The following NPAS3 variants were observed in gnomAD, a reference collection of about 807,000 sequenced individuals.
NPAS3 encodes neuronal PAS domain-containing protein 3.
Under a neutral mutation model 73.1 loss-of-function variants are expected in NPAS3, and 14 were observed. That is an observed-to-expected ratio of 0.19 (90% CI 0.13 to 0.30). The LOEUF (loss-of-function observed/expected upper bound fraction) is 0.30, where lower values mean the gene tolerates loss of function less well. Ranked by LOEUF, NPAS3 falls within the 10% of genes least tolerant of loss-of-function variation. The pLI, the probability that NPAS3 is intolerant of heterozygous loss-of-function variation, is 1.00. For synonymous variants in NPAS3, 620 were observed against 541.5 expected, an observed-to-expected ratio of 1.14 and a Z score of -2.01; for missense variants, 1,096 against 1,250.0, an observed-to-expected ratio of 0.88 and a Z score of 1.86.
chr14:32,982,135 G>A (rs945503933), intron 1 of NPAS3, among the ~76,000 whole-genome samples: 5 of 152,150 alleles, frequency 3.3e-5, no homozygotes, highest in Admixed American at 3.3e-4. Flanking sequence ...CCAATATCAA[G>A]GTGCTGGCAT....
chr14:32,993,153 A>G (rs1230457848), intron 1 of NPAS3, among the ~76,000 whole-genome samples: 2 of 151,778 alleles, frequency 1.3e-5, no homozygotes, highest in African/African-American at 4.8e-5. Context: ...TCGTCTCAAA[A>G]AAAAAAAAAA....
intron 4 of NPAS3, among the ~76,000 whole-genome samples, chr14:33,384,248 A>T (rs1421991740): frequency 6.6e-6 from 1 of 152,208 alleles, no homozygotes; most frequent in African/African-American, 2.4e-5. Flanking sequence ...GATATAAAAG[A>T]AATAAAACCC....
intron 7 of NPAS3, among the ~76,000 whole-genome samples, chr14:33,758,619 T>C (rs886282997): frequency 6.6e-6 from 1 of 152,280 alleles, no homozygotes; most frequent in Non-Finnish European, 1.5e-5. Context: ...CTAGAAATTC[T>C]TCTCAATGAA....
At chr14:33,483,477 A>C (rs369349727) in intron 4 of NPAS3, among the ~76,000 whole-genome samples, 88 of 152,332 alleles carry the variant, frequency 5.8e-4, no homozygotes, top group African/African-American at 1.8e-3. Context: ...CTCCCACTGC[A>C]TGTAGAGAAA....
intron 2 of NPAS3, among the ~76,000 whole-genome samples, chr14:33,122,919 G>T (rs996065865): frequency 3.3e-5 from 5 of 151,998 alleles, no homozygotes; most frequent in Non-Finnish European, 7.4e-5. Context: ...AAGATCACTA[G>T]AATAAAAAGG....
intron 5 of NPAS3, among the ~76,000 whole-genome samples, chr14:33,633,756 G>C (rs1455686266): frequency 6.6e-6 from 1 of 152,156 alleles, no homozygotes; most frequent in African/African-American, 2.4e-5. Context: ...AAGGCAGGAG[G>C]ATCACTTGAG....
chr14:33,297,167 G>T (rs2140134877), intron 3 of NPAS3, among the ~76,000 whole-genome samples: 1 of 152,222 alleles, frequency 6.6e-6, no homozygotes, highest in East Asian at 1.9e-4. Flanking sequence ...AGACTTCCTG[G>T]TTCTAATCCT....
chr14:33,242,192 G>A (rs927454963), intron 3 of NPAS3, among the ~76,000 whole-genome samples: 1 of 152,034 alleles, frequency 6.6e-6, no homozygotes, highest in African/African-American at 2.4e-5. Context: ...ATAAAGAATA[G>A]AGAAAGAATA....
intron 4 of NPAS3, among the ~76,000 whole-genome samples, chr14:33,424,718 G>A (rs1383500065): frequency 6.6e-6 from 1 of 151,774 alleles, no homozygotes; most frequent in Non-Finnish European, 1.5e-5. Context: ...GAATATGGGA[G>A]GAGGGGGAAG....
At chr14:33,480,012 G>A (rs1218273178) in intron 4 of NPAS3, among the ~76,000 whole-genome samples, 6 of 152,050 alleles carry the variant, frequency 3.9e-5, no homozygotes, top group African/African-American at 1.2e-4. Context: ...CAGGAGGCTT[G>A]AGTTGGCTCG....
chr14:33,331,362 A>G (rs2043976931), intron 3 of NPAS3, among the ~76,000 whole-genome samples: 2 of 152,176 alleles, frequency 1.3e-5, no homozygotes, highest in Admixed American at 1.3e-4. Flanking sequence ...TGTGTGGAAG[A>G]TAATTGAGCC....
chr14:33,123,241 G>A (rs189933432), intron 2 of NPAS3, among the ~76,000 whole-genome samples: 77 of 152,122 alleles, frequency 5.1e-4, no homozygotes, highest in African/African-American at 1.8e-3. Flanking sequence ...CATCACGGGA[G>A]ACATTTGGGG....
intron 4 of NPAS3, among the ~76,000 whole-genome samples, chr14:33,418,881 CT>C (rs2048262652): frequency 6.6e-6 from 1 of 151,856 alleles, no homozygotes; most frequent in African/African-American, 2.4e-5. Context: ...ATAAACTCCC[CT>C]TTGTGCATCT....
intron 3 of NPAS3, among the ~76,000 whole-genome samples, chr14:33,265,801 A>T (rs923026520): frequency 2.7e-5 from 4 of 149,220 alleles, no homozygotes; most frequent in African/African-American, 1.0e-4. Context: ...CAACCCCTTA[A>T]AAAAGGAATC....
intron 7 of NPAS3, among the ~76,000 whole-genome samples, chr14:33,759,461 G>A (rs888574520): frequency 2.6e-5 from 4 of 152,238 alleles, no homozygotes; most frequent in Non-Finnish European, 5.9e-5. Flanking sequence ...GGCCTAGAGA[G>A]AGTGCTTGCC....
intron 1 of NPAS3, among the ~76,000 whole-genome samples, chr14:32,960,564 T>G (rs1301966594): frequency 6.6e-6 from 1 of 152,200 alleles, no homozygotes; most frequent in African/African-American, 2.4e-5. Context: ...TCATGCACTA[T>G]TACAGCTTTC....
chr14:32,964,364 T>A (rs927582549), intron 1 of NPAS3, among the ~76,000 whole-genome samples: 5 of 152,014 alleles, frequency 3.3e-5, no homozygotes, highest in African/African-American at 9.7e-5. Context: ...ACTAGCAAAT[T>A]TGATAGCCAG....
At chr14:33,171,024 C>G (rs1398758118) in intron 2 of NPAS3, among the ~76,000 whole-genome samples, 1 of 152,186 alleles carries the variant, frequency 6.6e-6, no homozygotes, top group African/African-American at 2.4e-5. Flanking sequence ...ACGGCAGTGA[C>G]AGTCTTATGA....
chr14:33,746,888 T>TCCCCCC (rs2061820815), intron 7 of NPAS3, among the ~76,000 whole-genome samples: 1 of 138,142 alleles, frequency 7.2e-6, no homozygotes, highest in African/African-American at 3.1e-5. Context: ...ATGCTATCCC[T>TCCCCCC]CCCCCGTCCC....
Sources: gnomAD v4.1 joint callset for allele counts (sites outside exome capture counted in the v4.1 genomes callset) on GRCh38, gnomAD v4.1.1 for gene constraint, MANE v1.5 for transcripts, NCBI Gene and HGNC (gene_info 2026-07-23, HGNC 2026-07-21) for gene names.